TSHZ2: variants seen among roughly 807,000 people sequenced by gnomAD.
TSHZ2 encodes the protein teashirt homolog 2.
A neutral mutation model predicts 74.4 loss-of-function variants in TSHZ2; 21 were observed. The ratio of observed to expected loss-of-function variants is 0.28; its 90% confidence interval spans 0.20 to 0.41. The LOEUF (loss-of-function observed/expected upper bound fraction) is 0.41, where lower values mean the gene tolerates loss of function less well. Ranked by LOEUF, TSHZ2 falls within the 10% of genes least tolerant of loss-of-function variation. The pLI is 1.00. For missense variants in TSHZ2, 1,244 were observed against 1,293.5 expected, an observed-to-expected ratio of 0.96 and a Z score of 0.59; for synonymous variants, 540 against 515.3, an observed-to-expected ratio of 1.05 and a Z score of -0.65.
At chr20:53,027,294 T>C (rs1376156547) in intron 1 of TSHZ2, among the ~76,000 whole-genome samples, 2 of 152,220 alleles carry the variant, frequency 1.3e-5, no homozygotes, top group Non-Finnish European at 2.9e-5. Flanking sequence ...CATATACACA[T>C]ACACACATAT....
intron 1 of TSHZ2, among the ~76,000 whole-genome samples, chr20:52,992,142 C>T (rs995202436): frequency 1.3e-5 from 2 of 152,198 alleles, no homozygotes; most frequent in African/African-American, 4.8e-5. Context: ...ATTTCCTGGC[C>T]TCTCTTCCTC....
At chr20:53,160,745 CAAAAAAAAA>C (rs10653039) in intron 1 of TSHZ2, among the ~76,000 whole-genome samples, 1 of 95,850 alleles carries the variant, frequency 1.0e-5, no homozygotes, top group East Asian at 2.7e-4. Flanking sequence ...ACTCTGTCTC[CAAAAAAAAA>C]AAAAAAAAAG....
intron 2 of TSHZ2, among the ~76,000 whole-genome samples, chr20:53,296,690 G>C (rs1991387102): frequency 6.6e-6 from 1 of 152,068 alleles, no homozygotes; most frequent in South Asian, 2.1e-4. Context: ...TTATATTTTT[G>C]GTCCAAGGCT....
intron 2 of TSHZ2, among the ~76,000 whole-genome samples, chr20:53,308,462 G>A (rs576846971): frequency 3.3e-5 from 5 of 152,250 alleles, no homozygotes; most frequent in East Asian, 3.9e-4. Flanking sequence ...GTATGTACAC[G>A]TGCAGCCGGA....
intron 1 of TSHZ2, among the ~76,000 whole-genome samples, chr20:53,017,100 T>C (rs986541877): frequency 1.3e-5 from 2 of 152,198 alleles, no homozygotes; most frequent in Admixed American, 6.5e-5. Context: ...TCCCCAACAA[T>C]TGACACCATT....
intron 2 of TSHZ2, among the ~76,000 whole-genome samples, chr20:53,452,019 T>G (rs2039090025): frequency 1.3e-5 from 2 of 152,222 alleles, no homozygotes; most frequent in Admixed American, 6.5e-5. Context: ...GTTCAAATTA[T>G]AGTCAAGAAT....
At chr20:53,295,946 G>T (rs970009989) in intron 2 of TSHZ2, among the ~76,000 whole-genome samples, 1 of 147,428 alleles carries the variant, frequency 6.8e-6, no homozygotes, top group Non-Finnish European at 1.5e-5. Context: ...CCTCCTAAAA[G>T]TTTCTCTCAT....
At chr20:52,978,092 G>A (rs955898078) in intron 1 of TSHZ2, among the ~76,000 whole-genome samples, 2 of 152,148 alleles carry the variant, frequency 1.3e-5, no homozygotes, top group South Asian at 2.1e-4. Flanking sequence ...TCCAACGGAC[G>A]TTTATGCTTT....
At chr20:53,186,505 C>A (rs181131674) in intron 1 of TSHZ2, among the ~76,000 whole-genome samples, 2 of 152,286 alleles carry the variant, frequency 1.3e-5, no homozygotes, top group African/African-American at 4.8e-5. Flanking sequence ...GTCAAGCAGT[C>A]AGCTCTAGGA....
At chr20:53,276,080 G>A (rs965899546) in intron 2 of TSHZ2, among the ~76,000 whole-genome samples, 7 of 152,206 alleles carry the variant, frequency 4.6e-5, no homozygotes, top group African/African-American at 1.7e-4. Context: ...ATTCATACAT[G>A]GAGGAATCCT....
intron 1 of TSHZ2, among the ~76,000 whole-genome samples, chr20:53,177,443 C>T (rs1262403671): frequency 6.6e-6 from 1 of 152,090 alleles, no homozygotes; most frequent in Non-Finnish European, 1.5e-5. Context: ...AGATCTGTGC[C>T]GAGATTCTAC....
At chr20:53,382,896 C>T (rs1981909067) in intron 2 of TSHZ2, among the ~76,000 whole-genome samples, 1 of 151,924 alleles carries the variant, frequency 6.6e-6, no homozygotes, top group South Asian at 2.1e-4. Flanking sequence ...CTGCTCCTCT[C>T]TGCGTGTTTC....
intron 1 of TSHZ2, among the ~76,000 whole-genome samples, chr20:53,017,838 A>C (rs982757557): frequency 1.3e-5 from 2 of 152,190 alleles, no homozygotes; most frequent in East Asian, 3.8e-4. Flanking sequence ...AGGACCAATC[A>C]CATTGTATAG....
At position 53,286,914 on chromosome 20, in the gene TSHZ2, C is replaced by CAA. The variant is rs1904763702; in HGVS notation, c.*8+30344_*8+30345insAA. Among the ~76,000 whole-genome samples the CAA allele has an allele frequency of 2.0e-5, 3 of 151,832 alleles. No individual in the cohort carries two copies. In the South Asian group the frequency reaches 6.3e-4, roughly 32 times the overall value. The stretch of plus-strand genomic sequence containing the variant: ...ACACACACACACACACACACACACA[C>CAA]ACACACACACACGTAACACTTCTGA... On this transcript the variant is annotated intron_variant, in intron 2 of 2. Transcript: ENST00000371497.
chr20:53,279,923 C>T (rs1437922226), intron 2 of TSHZ2, among the ~76,000 whole-genome samples: 2 of 152,072 alleles, frequency 1.3e-5, no homozygotes, highest in African/African-American at 4.8e-5. Flanking sequence ...GTGCAAAGGC[C>T]CTGAGGCAAG....
intron 1 of TSHZ2, among the ~76,000 whole-genome samples, chr20:53,240,020 A>G (rs1180744861): frequency 6.6e-6 from 1 of 152,210 alleles, no homozygotes; most frequent in South Asian, 2.1e-4. Flanking sequence ...GTACAAAGAC[A>G]AAATCTTCAG....
rs1958718451 is a variant in TSHZ2, at chr20:53,492,605, A to G, written c.*5470A>G. The G allele has an allele frequency of 6.6e-6, 1 of 152,198 alleles. No homozygotes were observed. The allele number at this position is 152,198 out of a possible 1,614,324, so 9.4% of individuals were successfully genotyped here. ...TTCCTAACAGCCAGGCACTGTTGAC[A>G]TGAATCATTAACTTCCAAACCCCTT... On this transcript the variant is annotated 3_prime_UTR_variant, in exon 3 of 3. Coordinates refer to ENST00000371497, the MANE Select transcript of TSHZ2 (RefSeq NM_173485.6).
Position 53,081,557 on chromosome 20 carries a change from C to T in TSHZ2, c.40+108224C>T, listed in dbSNP as rs918184998. Reference sequence around the variant, plus strand: ...GTGCCACAAGCCCCACCCACCCATGCACAATTGCTGTTACAACGCTGTAGG... The same window carrying T: ...GTGCCACAAGCCCCACCCACCCATGTACAATTGCTGTTACAACGCTGTAGG... On this transcript the variant is annotated intron_variant, in intron 1 of 2. Transcript: ENST00000371497. Among the ~76,000 whole-genome samples, 7 of 152,200 alleles carry T rather than the reference C, an allele frequency of 4.6e-5. 1 individual carries two copies. Among genetic ancestry groups the T allele is most frequent in the African/African-American group, 1.7e-4 (7 of 41,454 alleles).
At chr20:53,310,074 A>G (rs1378963021) in intron 2 of TSHZ2, among the ~76,000 whole-genome samples, 2 of 152,220 alleles carry the variant, frequency 1.3e-5, no homozygotes, top group Non-Finnish European at 2.9e-5. Flanking sequence ...GAATTCTTTT[A>G]AACAAGTATT....
Sources: allele counts gnomAD v4.1 joint callset (sites outside exome capture counted in the v4.1 genomes callset), GRCh38; gene constraint gnomAD v4.1.1; transcripts MANE v1.5; gene names NCBI Gene and HGNC (gene_info 2026-07-23, HGNC 2026-07-21).